Variants in SPTBN1 observed in about 807,000 individuals in gnomAD.
The protein encoded by SPTBN1 is spectrin beta, non-erythrocytic 1.
Under a neutral mutation model 266.4 loss-of-function variants are expected in SPTBN1, and 32 were observed. The ratio of observed to expected loss-of-function variants is 0.12; its 90% CI spans 0.09 to 0.16. The LOEUF (loss-of-function observed/expected upper bound fraction) is 0.16, where lower values mean the gene tolerates loss of function less well. Ranked by LOEUF, SPTBN1 falls within the 10% of genes least tolerant of loss-of-function variation. The pLI is 1.00. For missense variants in SPTBN1, 2,296 were observed against 3,067.1 expected, an observed-to-expected ratio of 0.75 and a Z score of 5.94; for synonymous variants, 1,336 against 1,162.2, an observed-to-expected ratio of 1.15 and a Z score of -3.04.
chr2:54,581,893 C>G (rs946401858), intron 2 of SPTBN1, among the ~76,000 whole-genome samples: 2 of 152,152 alleles, frequency 1.3e-5, no homozygotes, highest in African/African-American at 2.4e-5. Context: ...AATGGCTCTA[C>G]TTGCCTCCAA....
intron 1 of SPTBN1, among the ~76,000 whole-genome samples, chr2:54,501,110 G>T (rs954675379): frequency 1.3e-5 from 2 of 152,148 alleles, no homozygotes; most frequent in Non-Finnish European, 2.9e-5. Context: ...GGGGCTCGTG[G>T]ACTGTCCTGT....
chr2:54,468,048 C>T (rs1216612428), intron 1 of SPTBN1, among the ~76,000 whole-genome samples: 4 of 152,124 alleles, frequency 2.6e-5, no homozygotes, highest in Non-Finnish European at 2.9e-5. Flanking sequence ...GTGGCTCACG[C>T]CTCTAATGCC....
chr2:54,573,011 A>G (rs1470585042), intron 2 of SPTBN1, among the ~76,000 whole-genome samples: 1 of 152,226 alleles, frequency 6.6e-6, no homozygotes, highest in Non-Finnish European at 1.5e-5. Context: ...AGGCGGGCCC[A>G]GACCCCACCA....
At position 54,669,746 on chromosome 2, in the gene SPTBN1, A is replaced by G. The variant is rs1681618280; in HGVS notation, c.*1177A>G. On this transcript the variant is annotated 3_prime_UTR_variant, in exon 36 of 36. Coordinates refer to ENST00000356805, the MANE Select transcript of SPTBN1 (RefSeq NM_003128.3). The stretch of plus-strand genomic sequence containing the variant: ...CAGTAGGGAAACTGCAAAGGGAGAA[A>G]TGACAAACAAGAAACATTTTACAAC... 1 of 152,634 alleles carries G rather than the reference A, an allele frequency of 6.6e-6. No homozygotes were observed. The highest frequency in any genetic ancestry group is 2.4e-5 in the African/African-American group (1 of 41,468). The allele number at this position is 152,634 out of a possible 1,614,324, so 9.5% of individuals were successfully genotyped here.
rs1330658914 is a variant in SPTBN1, at chr2:54,628,007, A to G, written c.1645-90A>G. 6.1e-6 allele frequency: 9 copies of G among 1,472,912 alleles called. No homozygotes were observed. In the South Asian group the frequency reaches 9.7e-5, roughly 16 times the overall value. 91.2% of individuals were successfully genotyped at this position (1,472,912 alleles called of 1,614,324 possible). ...CAGACTAGAGGGAAGGCATAGCTTC[A>G]TTGCTGGCTCTCTGCTTGTCGAAAG... On this transcript the variant is annotated intron_variant, in intron 12 of 35. Coordinates refer to ENST00000356805, the MANE Select transcript of SPTBN1 (RefSeq NM_003128.3). The surrounding 1 kb of genome is among the most constrained non-coding windows in gnomAD (Gnocchi z 4.3).
At chr2:54,561,756 AAT>A (rs1384985364) in intron 2 of SPTBN1, among the ~76,000 whole-genome samples, 1 of 148,488 alleles carries the variant, frequency 6.7e-6, no homozygotes. Context: ...TTTATATATA[AAT>A]ATAGTTATAT....
At chr2:54,458,970 C>G (rs1225601831) in intron 1 of SPTBN1, among the ~76,000 whole-genome samples, 1 of 152,208 alleles carries the variant, frequency 6.6e-6, no homozygotes, top group Non-Finnish European at 1.5e-5. Context: ...TTGAGTTTCT[C>G]TAATAGCCAT....
chr2:54,634,818 C>T (rs1679007596), intron 17 of SPTBN1, among the ~76,000 whole-genome samples: 1 of 152,024 alleles, frequency 6.6e-6, no homozygotes, highest in Non-Finnish European at 1.5e-5. Context: ...AAGACACTGA[C>T]TCTAACAGAT....
intron 2 of SPTBN1, among the ~76,000 whole-genome samples, chr2:54,595,945 G>A (rs2103655718): frequency 6.6e-6 from 1 of 152,276 alleles, no homozygotes; most frequent in Non-Finnish European, 1.5e-5. Flanking sequence ...TGCCCCTGCT[G>A]GAGAACCTTG....
chr2:54,629,752 A>T lies in SPTBN1; in HGVS notation c.2618A>T (p.Asn873Ile), dbSNP rs1412306467. 1 of 1,611,462 alleles carries T rather than the reference A, an allele frequency of 6.2e-7. No homozygotes were observed. The highest frequency in any genetic ancestry group is 1.3e-5 in the African/African-American group (1 of 75,078). Residue 873 changes from asparagine to isoleucine, a missense_variant, in exon 14 of 36, where the codon AAC becomes ATC. By Grantham distance (149) the Asn-to-Ile change is moderately radical. Coordinates refer to ENST00000356805, the MANE Select transcript of SPTBN1 (RefSeq NM_003128.3). The part of the protein sequence containing the change: ...LWIDEKEQWL[N>I]NMQIPEKLED... ...ATCGACGAGAAGGAGCAGTGGCTCA[A>T]CAACATGCAGATCCCAGAGAAGCTG... is the stretch of plus-strand genomic sequence containing the variant.
Position 54,668,247 on chromosome 2 carries a change from G to C in SPTBN1, c.6877-104G>C, listed in dbSNP as rs532259502. On this transcript the variant is annotated intron_variant, in intron 35 of 35. Coordinates refer to ENST00000356805, the MANE Select transcript of SPTBN1 (RefSeq NM_003128.3). ...GGGGACAGTGCCCAGAAGTGACTCT[G>C]CTTACCCCTCAGTTGGCCAGATGCG... 4.2e-5 allele frequency: 45 copies of C among 1,073,866 alleles called. No individual in the cohort carries two copies. In the African/African-American group the frequency reaches 6.5e-4, roughly 16 times the overall value. 66.5% of individuals were successfully genotyped at this position (1,073,866 alleles called of 1,614,324 possible). A position where few individuals can be genotyped will look rare whatever the true frequency, so the allele number is the denominator to read the frequency against.
At chr2:54,599,012 G>T (rs754976056) in intron 2 of SPTBN1, 80 bp from the exon 3 acceptor site, 71 of 1,533,908 alleles carry the variant, frequency 4.6e-5, no homozygotes, top group Non-Finnish European at 6.2e-5. Flanking sequence ...CTCTGGCTGG[G>T]GTCTTGTGGC....
chr2:54,560,047 C>T (rs1282485456), intron 2 of SPTBN1, among the ~76,000 whole-genome samples: 2 of 152,168 alleles, frequency 1.3e-5, no homozygotes. Flanking sequence ...TGGCAGTTAG[C>T]TCAGAGGAAG....
At chr2:54,586,640 C>G (rs1160909237) in intron 2 of SPTBN1, among the ~76,000 whole-genome samples, 1 of 152,174 alleles carries the variant, frequency 6.6e-6, no homozygotes, top group Non-Finnish European at 1.5e-5. Flanking sequence ...GTAGACAGCT[C>G]TGTGTGGTGG....
intron 9 of SPTBN1, 62 bp downstream of exon 9, chr2:54,622,549 TC>T: frequency 1.9e-6 from 3 of 1,555,336 alleles, no homozygotes; most frequent in Non-Finnish European, 2.6e-6. Context: ...AGCCAACAGA[TC>T]CCTATGTTCT....
At chr2:54,615,074 A>G (rs1471058051) in intron 4 of SPTBN1, among the ~76,000 whole-genome samples, 2 of 152,178 alleles carry the variant, frequency 1.3e-5, no homozygotes, top group African/African-American at 4.8e-5. Context: ...TGATCCTAAT[A>G]TTAGAGACTG....
intron 32 of SPTBN1, chr2:54,662,300 T>C (rs1681101090): frequency 2.0e-6 from 2 of 985,464 alleles, no homozygotes; most frequent in Non-Finnish European, 2.4e-6. Context: ...ATTCATTTTG[T>C]TCCTTTTATT....
At chr2:54,568,894 A>C (rs774931180) in intron 2 of SPTBN1, among the ~76,000 whole-genome samples, 17 of 152,292 alleles carry the variant, frequency 1.1e-4, no homozygotes, top group Admixed American at 5.2e-4. Context: ...GCCACACTTC[A>C]TCTTAGTAGA....
chr2:54,590,853 T>A (rs1444052001), intron 2 of SPTBN1, among the ~76,000 whole-genome samples: 1 of 152,192 alleles, frequency 6.6e-6, no homozygotes, highest in Non-Finnish European at 1.5e-5. Context: ...GACTGTCTTC[T>A]GGATAGCTGG....
Sources: gnomAD v4.1 joint callset for allele counts (sites outside exome capture counted in the v4.1 genomes callset) on GRCh38, gnomAD v4.1.1 for gene constraint, Gnocchi (gnomAD v3.1) non-coding constraint, MANE v1.5 for transcripts, NCBI Gene and HGNC (gene_info 2026-07-23, HGNC 2026-07-21) for gene names.